SKIC3: variants seen among roughly 807,000 people sequenced by gnomAD.
SKIC3 encodes SKI3 subunit of superkiller complex, also known as superkiller complex protein 3.
chr5:95,467,809 AAAACATTTTAAATAAAATCAATGCCTC>A, the SKIC3 span: 30 of 1,606,412 alleles, frequency 1.9e-5, no homozygotes, highest in Admixed American at 2.0e-4. Context: ...GATCAAAGAT[AAAACATTTTAAATAAAATCAATGCCTC>A]AAACATTTTA....
At chr5:95,473,381 A>G in the SKIC3 span, among the ~76,000 whole-genome samples, 1 of 152,054 alleles carries the variant, frequency 6.6e-6, no homozygotes, top group African/African-American at 2.4e-5. Flanking sequence ...TCCCGAGCTC[A>G]GGTGATTCTC....
At chr5:95,552,487 A>C in the SKIC3 span, among the ~76,000 whole-genome samples, 1 of 152,190 alleles carries the variant, frequency 6.6e-6, no homozygotes, top group Non-Finnish European at 1.5e-5. Flanking sequence ...ATAGCTAATG[A>C]TCTTCCAGCT....
At chr5:95,467,002 A>C in the SKIC3 span, among the ~76,000 whole-genome samples, 1 of 152,200 alleles carries the variant, frequency 6.6e-6, no homozygotes, top group Non-Finnish European at 1.5e-5. Context: ...TGGCCAAAAA[A>C]GGGAAAGAAA....
the SKIC3 span, among the ~76,000 whole-genome samples, chr5:95,542,811 A>T: frequency 6.6e-6 from 1 of 152,226 alleles, no homozygotes; most frequent in Non-Finnish European, 1.5e-5. Flanking sequence ...TCAAAGATAG[A>T]AACATTAACA....
chr5:95,526,281 T>C, the SKIC3 span, among the ~76,000 whole-genome samples: 3 of 152,108 alleles, frequency 2.0e-5, no homozygotes, highest in African/African-American at 7.2e-5. Context: ...ATTTAACTGT[T>C]GAAAAATATG....
chr5:95,519,265 G>A, the SKIC3 span, among the ~76,000 whole-genome samples: 4 of 151,764 alleles, frequency 2.6e-5, no homozygotes, highest in East Asian at 1.9e-4. Flanking sequence ...TTCTCTTCTC[G>A]AGATCTTATA....
the SKIC3 span, among the ~76,000 whole-genome samples, chr5:95,544,905 A>G: frequency 4.6e-5 from 7 of 152,352 alleles, no homozygotes; most frequent in African/African-American, 1.7e-4. Context: ...ACCATGTGAT[A>G]AAGCGCCACA....
At chr5:95,495,053 A>G in the SKIC3 span, 6 of 1,605,408 alleles carry the variant, frequency 3.7e-6, no homozygotes, top group Admixed American at 3.3e-5. Flanking sequence ...ATACAAATGC[A>G]GAAACTTTCA....
the SKIC3 span, among the ~76,000 whole-genome samples, chr5:95,518,740 C>T: frequency 2.6e-5 from 4 of 151,866 alleles, no homozygotes; most frequent in East Asian, 1.9e-4. Flanking sequence ...TTCCATATCT[C>T]GACTATTGTG....
At chr5:95,547,536 T>C in the SKIC3 span, among the ~76,000 whole-genome samples, 1 of 152,122 alleles carries the variant, frequency 6.6e-6, no homozygotes, top group African/African-American at 2.4e-5. Flanking sequence ...GAAGCTAAGT[T>C]CCATGCAGGC....
chr5:95,530,526 G>GT, the SKIC3 span, among the ~76,000 whole-genome samples: 1 of 152,174 alleles, frequency 6.6e-6, no homozygotes, highest in South Asian at 2.1e-4. Flanking sequence ...CTTGCCAGCT[G>GT]TAACAATTTG....
At chr5:95,530,373 G>T in the SKIC3 span, 1 of 767,978 alleles carries the variant, frequency 1.3e-6, no homozygotes, top group Non-Finnish European at 2.1e-6. Flanking sequence ...AATTTAAATA[G>T]ACCAGCAAAT....
chr5:95,530,308 A>G, the SKIC3 span: 4 of 1,537,744 alleles, frequency 2.6e-6, no homozygotes, highest in South Asian at 3.4e-5. Context: ...AAATCTCAAA[A>G]TCTGCCTTTA....
the SKIC3 span, chr5:95,482,610 G>T: frequency 6.2e-7 from 1 of 1,613,978 alleles, no homozygotes; most frequent in Non-Finnish European, 8.5e-7. Flanking sequence ...ACGGCTGGCT[G>T]ATCAGGGTTA....
At chr5:95,507,762 G>A in the SKIC3 span, among the ~76,000 whole-genome samples, 97 of 152,226 alleles carry the variant, frequency 6.4e-4, no homozygotes, top group African/African-American at 2.0e-3. Flanking sequence ...TTAGATTTAT[G>A]CCTAATTTGT....
the SKIC3 span, chr5:95,527,939 G>T: frequency 6.5e-7 from 1 of 1,533,232 alleles, no homozygotes. Flanking sequence ...AAATTTTGTG[G>T]TAGGCAGAGA....
At chr5:95,511,322 G>A in the SKIC3 span, among the ~76,000 whole-genome samples, 2 of 152,226 alleles carry the variant, frequency 1.3e-5, no homozygotes, top group Non-Finnish European at 2.9e-5. Context: ...GCTAAGGCAA[G>A]AGAATGGCTT....
chr5:95,493,205 C>T, the SKIC3 span, among the ~76,000 whole-genome samples: 2 of 152,188 alleles, frequency 1.3e-5, no homozygotes, highest in Non-Finnish European at 2.9e-5. Context: ...CACATAACTA[C>T]AGTTATATTC....
At chr5:95,490,328 C>G in the SKIC3 span, among the ~76,000 whole-genome samples, 1 of 151,126 alleles carries the variant, frequency 6.6e-6, no homozygotes, top group Admixed American at 6.6e-5. Flanking sequence ...GGCTTTTAAG[C>G]TATCTGGAAG....
Sources: gnomAD v4.1 joint callset for allele counts (sites outside exome capture counted in the v4.1 genomes callset) on GRCh38, gnomAD v4.1.1 for gene constraint, MANE v1.5 for transcripts, NCBI Gene and HGNC (gene_info 2026-07-23, HGNC 2026-07-21) for gene names.